NRXN3: variants seen among roughly 807,000 people sequenced by gnomAD.
NRXN3 encodes the protein neurexin III.
NRXN3 carries 32 observed loss-of-function variants against 137.6 expected under a neutral mutation model. The ratio of observed to expected loss-of-function variants is 0.23; its 90% confidence interval spans 0.18 to 0.31. The LOEUF (loss-of-function observed/expected upper bound fraction) is 0.31, where lower values mean the gene tolerates loss of function less well. Among genes scored for constraint, NRXN3 ranks in the 10% least tolerant of loss-of-function variants. The pLI, the probability that NRXN3 is intolerant of heterozygous loss-of-function variation, is 1.00. For synonymous variants in NRXN3, 798 were observed against 784.5 expected, an observed-to-expected ratio of 1.02 and a Z score of -0.29; for missense variants, 1,574 against 2,062.5, an observed-to-expected ratio of 0.76 and a Z score of 4.59.
At chr14:79,666,335 A>G (rs923014766) in intron 17 of NRXN3, among the ~76,000 whole-genome samples, 1 of 152,098 alleles carries the variant, frequency 6.6e-6, no homozygotes. Flanking sequence ...AAGTGAGTTG[A>G]CCACATGTAT....
chr14:78,857,499 A>G (rs1485853676), intron 10 of NRXN3, among the ~76,000 whole-genome samples: 3 of 152,272 alleles, frequency 2.0e-5, no homozygotes, highest in Admixed American at 6.5e-5. Context: ...AGCTTTCTGC[A>G]ATTAAAAATG....
rs1338385001 is a variant in NRXN3, at chr14:78,307,908, G to A, written c.757+10048G>A. Among the ~76,000 whole-genome samples, 5 of 152,002 alleles carry A rather than the reference G, an allele frequency of 3.3e-5. 1 individual carries two copies. The highest frequency in any genetic ancestry group is 6.8e-3 in the Middle Eastern group (2 of 294). Reference sequence around the variant, plus strand: ...AACTGCTAATTATTTCACTCTTTTGGGCAAGTTAATTTACTGTTGACTCTT... The same window carrying A: ...AACTGCTAATTATTTCACTCTTTTGAGCAAGTTAATTTACTGTTGACTCTT... On this transcript the variant is annotated intron_variant, in intron 4 of 20. Transcript: ENST00000335750.
In NRXN3 at chr14:78,786,920, A is replaced by G. The variant is rs544497111; in HGVS notation, c.2045-16700A>G. Among the ~76,000 whole-genome samples, 139 of 152,322 alleles carry G rather than the reference A, an allele frequency of 9.1e-4. 1 individual carries two copies. Among genetic ancestry groups the G allele is most frequent in the South Asian group, 3.5e-3 (17 of 4,822 alleles). On this transcript the variant is annotated intron_variant, in intron 8 of 20. Coordinates refer to ENST00000335750, the MANE Select transcript of NRXN3 (RefSeq NM_001330195.2). ...ACCTCAGTTTCCTCAGGTATGAAAT[A>G]AAAGGTATGAATGCAGGTAAATTTC...
At chr14:79,363,488 A>G (rs2093761564) in intron 15 of NRXN3, among the ~76,000 whole-genome samples, 1 of 152,164 alleles carries the variant, frequency 6.6e-6, no homozygotes, top group South Asian at 2.1e-4. Flanking sequence ...GACCAGCTGA[A>G]CAAACAGCCA....
chr14:79,673,365 A>G (rs1172809066), intron 17 of NRXN3, among the ~76,000 whole-genome samples: 2 of 152,144 alleles, frequency 1.3e-5, no homozygotes, highest in Non-Finnish European at 2.9e-5. Flanking sequence ...AATGGTAGAT[A>G]TATAGCACAG....
At chr14:78,445,802 A>G (rs1206892395) in intron 4 of NRXN3, among the ~76,000 whole-genome samples, 1 of 152,216 alleles carries the variant, frequency 6.6e-6, no homozygotes, top group African/African-American at 2.4e-5. Context: ...TCTCTTCTCA[A>G]TGGAATAATA....
chr14:78,222,329 C>T (rs2063939533), intron 1 of NRXN3, among the ~76,000 whole-genome samples: 1 of 144,544 alleles, frequency 6.9e-6, no homozygotes, highest in African/African-American at 2.8e-5. Flanking sequence ...CACACACACA[C>T]ACATACACAC....
At chr14:78,789,309 T>C (rs1245339283) in intron 8 of NRXN3, among the ~76,000 whole-genome samples, 1 of 152,178 alleles carries the variant, frequency 6.6e-6, no homozygotes, top group East Asian at 1.9e-4. Flanking sequence ...ACCATTTCTT[T>C]CCATATGCTC....
intron 8 of NRXN3, among the ~76,000 whole-genome samples, chr14:78,731,513 A>G (rs1415458746): frequency 6.6e-6 from 1 of 152,000 alleles, no homozygotes; most frequent in African/African-American, 2.4e-5. Context: ...AAACAAAAAT[A>G]AATATAATTG....
At chr14:78,764,195 G>A (rs533442735) in intron 8 of NRXN3, among the ~76,000 whole-genome samples, 18 of 152,334 alleles carry the variant, frequency 1.2e-4, no homozygotes, top group African/African-American at 4.3e-4. Context: ...AACTAGTTAA[G>A]AGTAGAGGGA....
At chr14:79,088,022 C>T (rs1389634765) in intron 15 of NRXN3, among the ~76,000 whole-genome samples, 1 of 140,236 alleles carries the variant, frequency 7.1e-6, no homozygotes, top group Non-Finnish European at 1.5e-5. Context: ...GCTCAAAGCT[C>T]ACAATGGTAC....
intron 10 of NRXN3, among the ~76,000 whole-genome samples, chr14:78,839,883 TA>T (rs1379657574): frequency 7.9e-5 from 12 of 152,368 alleles, no homozygotes; most frequent in African/African-American, 2.9e-4. Context: ...TGAGTGTTTT[TA>T]CACATCACTG....
chr14:78,179,842 G>GTTTT (rs796341902), intron 1 of NRXN3, among the ~76,000 whole-genome samples: 56 of 109,126 alleles, frequency 5.1e-4, no homozygotes, highest in African/African-American at 7.0e-4. Context: ...CTGTTTTTTT[G>GTTTT]TTTTTTTTTT....
At chr14:78,522,992 G>A (rs2153803658) in intron 4 of NRXN3, among the ~76,000 whole-genome samples, 1 of 151,994 alleles carries the variant, frequency 6.6e-6, no homozygotes, top group South Asian at 2.1e-4. Context: ...TTTTATCTTG[G>A]GTCTATGTTA....
At chr14:79,111,912 A>G in intron 15 of NRXN3, among the ~76,000 whole-genome samples, 1 of 152,100 alleles carries the variant, frequency 6.6e-6, no homozygotes, top group East Asian at 1.9e-4. Flanking sequence ...AAGTTAATCT[A>G]TTGTTCTCAA....
At chr14:79,848,079 CA>C (rs912805345) in intron 20 of NRXN3, among the ~76,000 whole-genome samples, 3 of 151,816 alleles carry the variant, frequency 2.0e-5, no homozygotes, top group Non-Finnish European at 4.4e-5. Flanking sequence ...AATTGAAATA[CA>C]AAAAAATAGC....
At chr14:78,330,470 G>A (rs956735800) in intron 4 of NRXN3, among the ~76,000 whole-genome samples, 9 of 152,002 alleles carry the variant, frequency 5.9e-5, no homozygotes, top group East Asian at 1.9e-4. Context: ...CCACTCTAAC[G>A]CCTTTCCCAA....
chr14:79,826,527 A>G (rs7147421), intron 20 of NRXN3, among the ~76,000 whole-genome samples: 1 of 151,918 alleles, frequency 6.6e-6, no homozygotes, highest in African/African-American at 2.4e-5. Context: ...ACCATTTGAA[A>G]CTCAGTTGTA....
At chr14:78,363,203 A>G (rs1363844292) in intron 4 of NRXN3, among the ~76,000 whole-genome samples, 1 of 152,096 alleles carries the variant, frequency 6.6e-6, no homozygotes, top group African/African-American at 2.4e-5. Context: ...CTTCTTGGCA[A>G]AGTCTTGCAG....
Sources: gnomAD v4.1 joint callset for allele counts (sites outside exome capture counted in the v4.1 genomes callset) on GRCh38, gnomAD v4.1.1 for gene constraint, MANE v1.5 for transcripts, NCBI Gene and HGNC (gene_info 2026-07-23, HGNC 2026-07-21) for gene names.